Variants in ELAVL4 observed in about 807,000 individuals in gnomAD.
The protein encoded by ELAVL4 is ELAV-like protein 4.
Under a neutral mutation model 35.6 loss-of-function variants are expected in ELAVL4, and 1 was observed. The ratio of observed to expected loss-of-function variants is 0.03; its 90% confidence interval spans 0.01 to 0.13. The LOEUF (loss-of-function observed/expected upper bound fraction) is 0.13, where lower values mean the gene tolerates loss of function less well. Ranked by LOEUF, ELAVL4 falls within the 10% of genes least tolerant of loss-of-function variation. ELAVL4 has a pLI of 1.00. For synonymous variants in ELAVL4, 156 were observed against 171.0 expected (o/e 0.91, Z 0.69); for missense variants, 267 against 464.9 (o/e 0.57, Z 3.91).
At chr1:50,098,470 A>G (rs187486091) in intron 1 of ELAVL4, among the ~76,000 whole-genome samples, 16 of 152,350 alleles carry the variant, frequency 1.1e-4, no homozygotes, top group Admixed American at 7.8e-4. Flanking sequence ...TCATAATATC[A>G]TAAAGGAAGG....
intron 2 of ELAVL4, among the ~76,000 whole-genome samples, chr1:50,173,362 A>G (rs1679383056): frequency 6.6e-6 from 1 of 152,208 alleles, no homozygotes; most frequent in African/African-American, 2.4e-5. Flanking sequence ...AAAAACAAAA[A>G]CCTGTTTAAT....
At position 50,108,950 on chromosome 1, in the gene ELAVL4, G is replaced by C; in HGVS notation, c.-240G>C. On this transcript the variant is annotated 5_prime_UTR_variant, in exon 1 of 7. Coordinates refer to ENST00000371824, the MANE Select transcript of ELAVL4 (RefSeq NM_001144774.3). ...AATTTCAGCAAGGCTCTGTTCAGTT[G>C]TTCTTATCTACATCCTAGAATCGGG... 1.6e-6 allele frequency: 2 copies of C among 1,212,150 alleles called. No homozygotes were observed. The highest frequency in any genetic ancestry group is 2.1e-6 in the Non-Finnish European group (2 of 974,496). 75.1% of individuals were successfully genotyped at this position (1,212,150 alleles called of 1,614,324 possible).
Position 50,133,598 on chromosome 1 carries a change from G to GAAAAGA in ELAVL4, c.10-11356_10-11351dup, listed in dbSNP as rs1553174432. 1.4e-3 allele frequency among the ~76,000 whole-genome samples: 49 copies of GAAAAGA among 36,268 alleles called. 1 individual carries two copies. Among genetic ancestry groups the GAAAAGA allele is most frequent in the Middle Eastern group, 0.036 (2 of 56 alleles). 23.8% of individuals were successfully genotyped at this position (36,268 alleles called of 152,430 possible). ...AGAGAGAGAGAAAGAAAGAAAGAAA[G>GAAAAGA]AAAAGAAAGAAAGAAAGAAAGAAAG... On this transcript the variant is annotated intron_variant, in intron 1 of 6. Coordinates refer to ENST00000371824, the MANE Select transcript of ELAVL4 (RefSeq NM_001144774.3).
intron 2 of ELAVL4, among the ~76,000 whole-genome samples, chr1:50,162,362 G>A (rs949017033): frequency 4.6e-5 from 7 of 152,082 alleles, no homozygotes; most frequent in African/African-American, 9.7e-5. Context: ...TCACGCGCCC[G>A]CCCTTAAGGA....
chr1:50,153,724 T>A (rs1311039659), intron 2 of ELAVL4, among the ~76,000 whole-genome samples: 1 of 152,174 alleles, frequency 6.6e-6, no homozygotes, highest in Non-Finnish European at 1.5e-5. Flanking sequence ...GCAAAATTCT[T>A]ATGTTGAAGT....
At chr1:50,172,231 C>T (rs911934764) in intron 2 of ELAVL4, among the ~76,000 whole-genome samples, 13 of 152,106 alleles carry the variant, frequency 8.5e-5, no homozygotes, top group Admixed American at 5.9e-4. Context: ...GGAAAAGCTA[C>T]GTCTATCCAG....
At chr1:50,114,291 T>C (rs1177632300) in intron 1 of ELAVL4, among the ~76,000 whole-genome samples, 8 of 152,106 alleles carry the variant, frequency 5.3e-5, no homozygotes, top group Admixed American at 2.6e-4. Flanking sequence ...ACCTAGTCTT[T>C]ACCATTGGTA....
In ELAVL4 at chr1:50,202,801, A is replaced by G. The variant is rs1366630728; in HGVS notation, c.*1623A>G. On this transcript the variant is annotated 3_prime_UTR_variant, in exon 7 of 7. Transcript: ENST00000371824. The stretch of plus-strand genomic sequence containing the variant: ...TTAAGTGACAGTTAAAGAGGTATCA[A>G]GGTAACTTGTGTAGAACTATTCTTT... The G allele has an allele frequency of 1.3e-5, 2 of 152,202 alleles. No homozygotes were observed. Among genetic ancestry groups the G allele is most frequent in the Non-Finnish European group, 2.9e-5 (2 of 68,014 alleles). The allele number at this position is 152,202 out of a possible 1,614,324, so 9.4% of individuals were successfully genotyped here.
intron 1 of ELAVL4, among the ~76,000 whole-genome samples, chr1:50,051,038 AG>A (rs1663346366): frequency 6.6e-6 from 1 of 152,150 alleles, no homozygotes; most frequent in Non-Finnish European, 1.5e-5. Context: ...TGCTGTTAAA[AG>A]TTTTTGAGGT....
At chr1:50,097,168 C>T (rs1012403476) in intron 1 of ELAVL4, among the ~76,000 whole-genome samples, 5 of 152,096 alleles carry the variant, frequency 3.3e-5, no homozygotes, top group African/African-American at 1.2e-4. Flanking sequence ...TGCAGTGAGC[C>T]ATGATCATGC....
At chr1:50,058,849 C>T (rs1222744098) in intron 1 of ELAVL4, among the ~76,000 whole-genome samples, 1 of 152,050 alleles carries the variant, frequency 6.6e-6, no homozygotes, top group African/African-American at 2.4e-5. Context: ...AGCAATCCAT[C>T]CCCCTGAGCT....
chr1:50,111,737 T>C (rs1667107693), intron 1 of ELAVL4, among the ~76,000 whole-genome samples: 1 of 152,152 alleles, frequency 6.6e-6, no homozygotes, highest in Admixed American at 6.6e-5. Context: ...TTTATATTAG[T>C]GTCTTTGGAC....
At chr1:50,123,772 G>C (rs144410690) in intron 1 of ELAVL4, among the ~76,000 whole-genome samples, 1 of 151,880 alleles carries the variant, frequency 6.6e-6, no homozygotes, top group African/African-American at 2.4e-5. Context: ...CAGATCCCTC[G>C]GTCTCCAACA....
chr1:50,191,531 C>T lies in ELAVL4; in HGVS notation c.355-2234C>T, dbSNP rs546330312. Among the ~76,000 whole-genome samples, 26 of 152,190 alleles carry T rather than the reference C, an allele frequency of 1.7e-4. No individual in the cohort carries two copies. In the South Asian group the frequency reaches 4.6e-3, roughly 27 times the overall value. On this transcript the variant is annotated intron_variant, in intron 3 of 6. Transcript: ENST00000371824. ...TGTTGAACACTTTATAGGTATCAGG[C>T]TATGTGCTGGGAGCTAGAGTCACAG...
intron 1 of ELAVL4, among the ~76,000 whole-genome samples, chr1:50,080,305 G>C (rs1324663011): frequency 6.6e-6 from 1 of 152,116 alleles, no homozygotes. Flanking sequence ...CAGGAAAAAT[G>C]AATGTTCTAA....
chr1:50,186,571 G>C lies in ELAVL4; in HGVS notation c.355-7194G>C, dbSNP rs143365458. Among the ~76,000 whole-genome samples, 12 of 152,316 alleles carry C rather than the reference G, an allele frequency of 7.9e-5. No individual in the cohort carries two copies. The East Asian group carries it at 2.1e-3, about 27-fold the overall frequency. On this transcript the variant is annotated intron_variant, in intron 3 of 6. Transcript: ENST00000371824. ...GGAGGTGGCATTCAGTATGGGCTTA[G>C]AAAGATGGGCAGGAGTTTATTCTGC...
At chr1:50,095,504 A>G (rs1243392949) in intron 1 of ELAVL4, among the ~76,000 whole-genome samples, 2 of 152,124 alleles carry the variant, frequency 1.3e-5, no homozygotes, top group Non-Finnish European at 2.9e-5. Flanking sequence ...GTGTAAAACT[A>G]TATAGTCTCC....
In ELAVL4 at chr1:50,193,887, C is replaced by T. The variant is rs1683048948; in HGVS notation, c.477C>T (p.Ile159=). 3.1e-6 allele frequency: 5 copies of T among 1,613,972 alleles called. No homozygotes were observed. The highest frequency in any genetic ancestry group is 1.6e-4 in the Middle Eastern group (1 of 6,080). ...TTTTCTCGCAATACGGCCGTATCAT[C>T]ACCTCACGAATCCTGGTTGATCAAG... is the stretch of plus-strand genomic sequence containing the variant. ...EQLFSQYGRI[I]TSRILVDQVT... Residue 159 remains isoleucine, a synonymous_variant, in exon 4 of 7, where the codon ATC becomes ATT. Transcript: ENST00000371824.
chr1:50,151,751 A>G (rs909031992), intron 2 of ELAVL4, among the ~76,000 whole-genome samples: 4 of 152,194 alleles, frequency 2.6e-5, no homozygotes, highest in Non-Finnish European at 5.9e-5. Flanking sequence ...CGCATCTGTC[A>G]TTTTATTTAC....
Sources: allele counts gnomAD v4.1 joint callset (sites outside exome capture counted in the v4.1 genomes callset), GRCh38; gene constraint gnomAD v4.1.1; transcripts MANE v1.5; gene names NCBI Gene and HGNC (gene_info 2026-07-23, HGNC 2026-07-21).